The following MRPS25 variants were observed in gnomAD, a reference collection of about 807,000 sequenced individuals.
MRPS25 encodes the protein mitochondrial ribosomal protein S25.
Under a neutral mutation model 17.3 loss-of-function variants are expected in MRPS25, and 15 were observed. That is an observed-to-expected ratio of 0.87 (90% CI 0.58 to 1.34). The LOEUF (loss-of-function observed/expected upper bound fraction) is 1.34. MRPS25 is among the 40% of genes most tolerant of loss of function. MRPS25 has a pLI of 0.00. For missense variants in MRPS25, 225 were observed against 218.6 expected, an observed-to-expected ratio of 1.03 and a Z score of -0.19; for synonymous variants, 94 against 83.3, an observed-to-expected ratio of 1.13 and a Z score of -0.70.
At chr3:15,061,941 AGCCGCCCCGTCTGAGAAGTGAGGAGC>A in intron 1 of MRPS25, among the ~76,000 whole-genome samples, 2 of 138,100 alleles carry the variant, frequency 1.4e-5, no homozygotes, top group African/African-American at 5.6e-5. Flanking sequence ...TCCGCCCGGC[AGCCGCCCCGTCTGAGAAGTGAGGAGC>A]CCCTCCGCCC....
downstream of MRPS25, chr3:15,047,810 A>G (rs1209727829): frequency 6.6e-6 from 1 of 152,270 alleles, no homozygotes; most frequent in East Asian, 1.9e-4. Context: ...TCTAACTGTA[A>G]GCATGTAAAT....
chr3:15,043,786 C>T (rs1181161044), downstream of MRPS25: 1 of 152,256 alleles, frequency 6.6e-6, no homozygotes, highest in African/African-American at 2.4e-5. Flanking sequence ...GCAGACTCCT[C>T]TAGAACCTGG....
chr3:15,050,619 G>T lies in MRPS25; in HGVS notation c.*1822C>A. The T allele has an allele frequency of 1.0e-6, 1 of 985,464 alleles. No individual in the cohort carries two copies. Among genetic ancestry groups the T allele is most frequent in the East Asian group, 1.1e-4 (1 of 8,822 alleles). 61.0% of individuals were successfully genotyped at this position (985,464 alleles called of 1,614,324 possible). On this transcript the variant is annotated 3_prime_UTR_variant, in exon 4 of 4. Coordinates refer to ENST00000253686, the MANE Select transcript of MRPS25 (RefSeq NM_022497.5). ...TGGGGAACTGAAACCAGCAGACATG[G>T]GAGGGCTCTCTGTGGAGGAGAGCTT...
In MRPS25 at chr3:15,050,230, G is replaced by A; in HGVS notation, c.*2211C>T. Reference sequence around the variant, plus strand: ...GAAGCTGGCCACACAGGCAGTAACTGCACCACAGGACTGCTGCTGTCTCCA... The same window carrying A: ...GAAGCTGGCCACACAGGCAGTAACTACACCACAGGACTGCTGCTGTCTCCA... On this transcript the variant is annotated 3_prime_UTR_variant, in exon 4 of 4. Coordinates refer to ENST00000253686, the MANE Select transcript of MRPS25 (RefSeq NM_022497.5). 1 of 1,159,788 alleles carries A rather than the reference G, an allele frequency of 8.6e-7. No individual in the cohort carries two copies. Among genetic ancestry groups the A allele is most frequent in the Non-Finnish European group, 1.1e-6 (1 of 939,864 alleles). 71.8% of individuals were successfully genotyped at this position (1,159,788 alleles called of 1,614,324 possible).
intron 2 of MRPS25, among the ~76,000 whole-genome samples, chr3:15,057,196 G>T (rs1490551924): frequency 6.6e-6 from 1 of 152,206 alleles, no homozygotes; most frequent in Admixed American, 6.5e-5. Context: ...GGGGCCTAGG[G>T]TCTGGCCTTC....
In MRPS25 at chr3:15,050,496, T is replaced by C; in HGVS notation, c.*1945A>G. ...TAGCTATGGAGACCTACACTGCAGA[T>C]GAAAGCCAAAAGGAACTAGGTGCTT... On this transcript the variant is annotated 3_prime_UTR_variant, in exon 4 of 4. Transcript: ENST00000253686. 1 of 986,002 alleles carries C rather than the reference T, an allele frequency of 1.0e-6. No individual in the cohort carries two copies. Among genetic ancestry groups the C allele is most frequent in the Non-Finnish European group, 1.2e-6 (1 of 830,416 alleles). 61.1% of individuals were successfully genotyped at this position (986,002 alleles called of 1,614,324 possible). A position where few individuals can be genotyped will look rare whatever the true frequency, so the allele number is the denominator to read the frequency against.
chr3:15,053,672 A>G, intron 2 of MRPS25: 1 of 626,014 alleles, frequency 1.6e-6, no homozygotes, highest in Non-Finnish European at 2.8e-6. Flanking sequence ...ATATGTAAAA[A>G]AACATGCCAT....
chr3:15,047,923 C>A (rs11549890), downstream of MRPS25: 2 of 152,208 alleles, frequency 1.3e-5, no homozygotes, highest in East Asian at 3.9e-4. Context: ...ACCAAATTTT[C>A]CTCGTCCAGG....
At chr3:15,058,259 G>A (rs1007626392) in intron 2 of MRPS25, among the ~76,000 whole-genome samples, 34 of 151,780 alleles carry the variant, frequency 2.2e-4, no homozygotes, top group Admixed American at 5.2e-4. Context: ...GCGCGATCTC[G>A]GCTCACTGCA....
Position 15,052,088 on chromosome 3 carries a change from A to G in MRPS25, c.*353T>C. ...AGAGGAAGATTCAAAGCCAGCGGAG[A>G]CCAGTAAAGGGTCGCAGGACCAAAA... On this transcript the variant is annotated 3_prime_UTR_variant, in exon 4 of 4. Coordinates refer to ENST00000253686, the MANE Select transcript of MRPS25 (RefSeq NM_022497.5). The G allele has an allele frequency of 9.7e-7, 1 of 1,028,402 alleles. No homozygotes were observed. The highest frequency in any genetic ancestry group is 1.2e-6 in the Non-Finnish European group (1 of 857,730). The allele number at this position is 1,028,402 out of a possible 1,614,324, so 63.7% of individuals were successfully genotyped here.
intron 1 of MRPS25, 73 bp from the exon 2 acceptor site, chr3:15,059,548 AG>A (rs2042721274): frequency 1.0e-6 from 1 of 998,940 alleles, no homozygotes; most frequent in Admixed American, 2.0e-5. Flanking sequence ...GTATTTTTCT[AG>A]GGAGAAAGCC....
downstream of MRPS25, chr3:15,043,077 T>G: frequency 2.1e-6 from 3 of 1,425,432 alleles, no homozygotes; most frequent in Non-Finnish European, 2.8e-6. Flanking sequence ...AGAAAAGTAG[T>G]GGTATTTTGG....
intron 1 of MRPS25, among the ~76,000 whole-genome samples, chr3:15,061,972 C>G (rs1239450032): frequency 1.3e-5 from 2 of 149,806 alleles, no homozygotes; most frequent in African/African-American, 2.5e-5. Flanking sequence ...AGGAGCCCCT[C>G]CGCCCGGCAG....
At chr3:15,061,736 T>C (rs1331181682) in intron 1 of MRPS25, among the ~76,000 whole-genome samples, 1 of 146,080 alleles carries the variant, frequency 6.8e-6, no homozygotes, top group African/African-American at 2.6e-5. Context: ...GTGAGGAGCG[T>C]CTCTGCCCGG....
Position 15,059,319 on chromosome 3 carries a change from T to C in MRPS25, c.241+50A>G, listed in dbSNP as rs201943868. The C allele has an allele frequency of 9.2e-5, 118 of 1,276,100 alleles. 2 individuals are homozygous for C. Among genetic ancestry groups the C allele is most frequent in the South Asian group, 6.5e-4 (54 of 82,810 alleles). 79.0% of individuals were successfully genotyped at this position (1,276,100 alleles called of 1,614,324 possible). Reference sequence around the variant, plus strand: ...GCTCCCATAGGAAGGACGCAGTCTCTCCAGGCATGTCTGGGACAGCCCCTG... The same window carrying C: ...GCTCCCATAGGAAGGACGCAGTCTCCCCAGGCATGTCTGGGACAGCCCCTG... On this transcript the variant is annotated intron_variant, in intron 2 of 3. Transcript: ENST00000253686.
In MRPS25 at chr3:15,050,383, C is replaced by G; in HGVS notation, c.*2058G>C. The G allele has an allele frequency of 9.8e-7, 1 of 1,019,756 alleles. No homozygotes were observed. The highest frequency in any genetic ancestry group is 1.2e-6 in the Non-Finnish European group (1 of 853,766). 63.2% of individuals were successfully genotyped at this position (1,019,756 alleles called of 1,614,324 possible). On this transcript the variant is annotated 3_prime_UTR_variant, in exon 4 of 4. Coordinates refer to ENST00000253686, the MANE Select transcript of MRPS25 (RefSeq NM_022497.5). Reference sequence around the variant, plus strand: ...TATTCTGTCTAGAGAATGGTCACCACTCCTTTTGGTTCAGGACATTCCTGC... The same window carrying G: ...TATTCTGTCTAGAGAATGGTCACCAGTCCTTTTGGTTCAGGACATTCCTGC...
At chr3:15,046,882 A>G (rs760572636), downstream of MRPS25, 9 of 152,602 alleles carry the variant, frequency 5.9e-5, no homozygotes, top group Non-Finnish European at 4.4e-5. Context: ...ACTTTGATGT[A>G]AATTTTTAAA....
Position 15,065,190 on chromosome 3 carries a change from G to T in MRPS25, c.5C>A (p.Pro2His), listed in dbSNP as rs2042837523. The change falls in exon 1 of 4, where the codon CCC (proline) becomes CAC (histidine). Residue 2 changes from proline to histidine, a missense_variant. Pro to His is a moderately conservative substitution (Grantham distance 77, BLOSUM62 -2). Coordinates refer to ENST00000253686, the MANE Select transcript of MRPS25 (RefSeq NM_022497.5). ...GCGGATGGGGAAGCGGCCCTTCATG[G>T]GCATGGCGGCAACGGTGGCGGGGCC... is the stretch of plus-strand genomic sequence containing the variant. MPMKGRFPIRRT... is the reference protein window; with the variant it reads MHMKGRFPIRRT... 1.3e-6 allele frequency: 2 copies of T among 1,597,582 alleles called. No individual in the cohort carries two copies. The highest frequency in any genetic ancestry group is 1.7e-6 in the Non-Finnish European group (2 of 1,173,036).
Position 15,049,992 on chromosome 3 carries a change from A to C in MRPS25, c.*2449T>G. ...TAAGGCTGTGAACACTGCTTGTGCA[A>C]GTAAAATTAAGAACATGTTATCAAT... On this transcript the variant is annotated 3_prime_UTR_variant, in exon 4 of 4. Coordinates refer to ENST00000253686, the MANE Select transcript of MRPS25 (RefSeq NM_022497.5). 1 of 1,471,810 alleles carries C rather than the reference A, an allele frequency of 6.8e-7. No homozygotes were observed. The highest frequency in any genetic ancestry group is 8.9e-7 in the Non-Finnish European group (1 of 1,127,022). 91.2% of individuals were successfully genotyped at this position (1,471,810 alleles called of 1,614,324 possible).
Sources: allele counts gnomAD v4.1 joint callset (sites outside exome capture counted in the v4.1 genomes callset), GRCh38; gene constraint gnomAD v4.1.1; transcripts MANE v1.5; gene names NCBI Gene and HGNC (gene_info 2026-07-23, HGNC 2026-07-21).